The following DLGAP4 variants were observed in gnomAD, a reference collection of about 807,000 sequenced individuals.
DLGAP4 encodes DLG associated protein 4.
A neutral mutation model predicts 86.9 loss-of-function variants in DLGAP4; 18 were observed. The observed-to-expected ratio is 0.21, with a 90% CI of 0.14 to 0.31. The LOEUF (loss-of-function observed/expected upper bound fraction) is 0.31. DLGAP4 is among the 10% of genes least tolerant of loss of function. The probability of loss-of-function intolerance (pLI) is 1.00; values close to 1 mark genes in which losing one functional copy is unlikely to be tolerated. For synonymous variants in DLGAP4, 548 were observed against 574.3 expected, an observed-to-expected ratio of 0.95 and a Z score of 0.65; for missense variants, 1,085 against 1,362.6, an observed-to-expected ratio of 0.80 and a Z score of 3.21.
intron 10 of DLGAP4, among the ~76,000 whole-genome samples, chr20:36,513,142 T>C (rs1408919286): frequency 6.6e-6 from 1 of 151,374 alleles, no homozygotes; most frequent in Non-Finnish European, 1.5e-5. Flanking sequence ...CAGGCTGGTC[T>C]TGAACTCCTG....
intron 7 of DLGAP4, chr20:36,461,751 G>GTCCGCCCCCCCCC: frequency 1.6e-6 from 1 of 618,852 alleles, no homozygotes; most frequent in Non-Finnish European, 1.9e-6. Context: ...CCGTCCGTCC[G>GTCCGCCCCCCCCC]CCCGCCCGCC....
rs555887663 is a variant in DLGAP4, at chr20:36,377,810, C to T, written c.-73+10535C>T. On this transcript the variant is annotated intron_variant, in intron 2 of 12. Coordinates refer to ENST00000339266, the MANE Select transcript of DLGAP4 (RefSeq NM_001365621.2). Reference sequence around the variant, plus strand: ...CTGCTATTTAGAGGAAAACTCTCCCCGCGTTCCTCCAACCACACGGGCTGA... The same window carrying T: ...CTGCTATTTAGAGGAAAACTCTCCCTGCGTTCCTCCAACCACACGGGCTGA... Among the ~76,000 whole-genome samples, 9 of 152,310 alleles carry T rather than the reference C, an allele frequency of 5.9e-5. No homozygotes were observed. In the South Asian group the frequency reaches 1.7e-3, roughly 28 times the overall value.
chr20:36,484,073 C>T (rs1240832138), intron 7 of DLGAP4, among the ~76,000 whole-genome samples: 1 of 152,258 alleles, frequency 6.6e-6, no homozygotes. Flanking sequence ...AGCCTGGGCT[C>T]AAATTCTGGC....
chr20:36,362,990 G>T (rs1428308865), intron 1 of DLGAP4, among the ~76,000 whole-genome samples: 2 of 152,186 alleles, frequency 1.3e-5, no homozygotes, highest in Non-Finnish European at 2.9e-5. Context: ...CCACGTAACT[G>T]GCAGAGCCTG....
chr20:36,495,390 G>A (rs373626294), intron 7 of DLGAP4, among the ~76,000 whole-genome samples: 83 of 152,232 alleles, frequency 5.5e-4, no homozygotes, highest in African/African-American at 2.0e-3. Context: ...CACCATGATT[G>A]TAGCCCCTTG....
At chr20:36,322,200 C>T (rs1191929884) in intron 1 of DLGAP4, among the ~76,000 whole-genome samples, 3 of 152,130 alleles carry the variant, frequency 2.0e-5, no homozygotes, top group African/African-American at 7.2e-5. Flanking sequence ...GAAAACATTC[C>T]AGCAGAGGGA....
At position 36,451,495 on chromosome 20, in the gene DLGAP4, C is replaced by T. The variant is rs542025365; in HGVS notation, c.1648+4558C>T. ...CCTCCCAAGTAGCTGGGAATACAGGCGTGTGCCACCATGCCTGGCTAATTT... is the reference window on the plus strand; with the variant it reads ...CCTCCCAAGTAGCTGGGAATACAGGTGTGTGCCACCATGCCTGGCTAATTT... On this transcript the variant is annotated intron_variant, in intron 7 of 12. Transcript: ENST00000339266. Among the ~76,000 whole-genome samples, 5 of 151,262 alleles carry T rather than the reference C, an allele frequency of 3.3e-5. No individual in the cohort carries two copies. The South Asian group carries it at 6.3e-4, about 19-fold the overall frequency.
intron 10 of DLGAP4, among the ~76,000 whole-genome samples, chr20:36,520,926 G>C (rs76565293): frequency 1.3e-5 from 2 of 151,892 alleles, no homozygotes; most frequent in South Asian, 4.2e-4. Context: ...TCTGCCTCCC[G>C]GGTTCAAGTG....
chr20:36,420,158 C>T (rs1436016350), intron 2 of DLGAP4, among the ~76,000 whole-genome samples: 1 of 152,196 alleles, frequency 6.6e-6, no homozygotes, highest in Admixed American at 6.5e-5. Context: ...GTCCCCAAGG[C>T]CTTCCACCAC....
At chr20:36,514,810 C>T (rs1213502717) in intron 10 of DLGAP4, among the ~76,000 whole-genome samples, 1 of 152,040 alleles carries the variant, frequency 6.6e-6, no homozygotes, top group Non-Finnish European at 1.5e-5. Context: ...GGAGAGAAAA[C>T]AGGCAACTGT....
intron 2 of DLGAP4, among the ~76,000 whole-genome samples, chr20:36,427,840 G>GAA (rs2033021267): frequency 2.0e-5 from 3 of 151,928 alleles, no homozygotes. Context: ...CTACTAGTTA[G>GAA]GCTGAGGCAC....
chr20:36,462,553 C>A, intron 7 of DLGAP4: 2 of 1,601,456 alleles, frequency 1.2e-6, no homozygotes, highest in African/African-American at 2.7e-5. Context: ...GGGTCTCTGA[C>A]CCCCATCCGG....
intron 10 of DLGAP4, among the ~76,000 whole-genome samples, chr20:36,506,903 G>A (rs1488990873): frequency 6.6e-6 from 1 of 152,182 alleles, no homozygotes; most frequent in Non-Finnish European, 1.5e-5. Context: ...CTTCATGTAA[G>A]TGGAACCATG....
chr20:36,524,761 G>A (rs1282110888), intron 11 of DLGAP4, among the ~76,000 whole-genome samples: 1 of 151,990 alleles, frequency 6.6e-6, no homozygotes, highest in African/African-American at 2.4e-5. Flanking sequence ...AATTAGCTGG[G>A]CGTGGTGGTG....
In DLGAP4 at chr20:36,436,058, A is replaced by C. The variant is rs6018898; in HGVS notation, c.1000-51A>C. On this transcript the variant is annotated intron_variant, in intron 3 of 12. Coordinates refer to ENST00000339266, the MANE Select transcript of DLGAP4 (RefSeq NM_001365621.2). ...GGTCCCGGAGATGGGGGTTCTCGCC[A>C]TCTGCTCATTTTCTGCGGTGGCCCC... The C allele has an allele frequency of 8.9e-4, 1,331 of 1,499,436 alleles. 9 individuals carry two copies. The African/African-American group carries it at 0.017, about 19-fold the overall frequency. 92.9% of individuals were successfully genotyped at this position (1,499,436 alleles called of 1,614,324 possible).
chr20:36,476,145 G>A (rs1036909331), intron 7 of DLGAP4, among the ~76,000 whole-genome samples: 7 of 151,242 alleles, frequency 4.6e-5, no homozygotes, highest in Admixed American at 2.0e-4. Context: ...ACACGCGCCC[G>A]GCCCTTCTTA....
chr20:36,435,976 C>A, intron 3 of DLGAP4, 133 bp from the exon 4 acceptor site: 1 of 1,359,256 alleles, frequency 7.4e-7, no homozygotes, highest in Non-Finnish European at 9.6e-7. Flanking sequence ...CCCGAGGTTT[C>A]AAAGGCGGGA....
intron 7 of DLGAP4, among the ~76,000 whole-genome samples, chr20:36,454,307 C>T (rs2033824240): frequency 6.6e-6 from 1 of 151,516 alleles, no homozygotes; most frequent in African/African-American, 2.4e-5. Context: ...AGACACTTAA[C>T]AGCCATCTGT....
In DLGAP4 at chr20:36,390,924, G is replaced by C. The variant is rs544217703; in HGVS notation, c.-73+23649G>C. Among the ~76,000 whole-genome samples the C allele has an allele frequency of 5.9e-5, 9 of 152,094 alleles. No homozygotes were observed. The South Asian group carries it at 1.5e-3, about 25-fold the overall frequency. On this transcript the variant is annotated intron_variant, in intron 2 of 12. Transcript: ENST00000339266. ...AGGTTGAACCTTGACCCTGACCCCA[G>C]ACTGGGACCTGACCTTGATCCAAGA...
Sources: allele counts gnomAD v4.1 joint callset (sites outside exome capture counted in the v4.1 genomes callset), GRCh38; gene constraint gnomAD v4.1.1; transcripts MANE v1.5; gene names NCBI Gene and HGNC (gene_info 2026-07-23, HGNC 2026-07-21).